CCPG1: variants seen among roughly 807,000 people sequenced by gnomAD.
The protein encoded by CCPG1 is cell cycle progression protein 1.
CCPG1 carries 46 observed loss-of-function variants against 81.3 expected under a neutral mutation model. The observed-to-expected ratio is 0.57, with a 90% confidence interval of 0.45 to 0.72. CCPG1 has a LOEUF of 0.72. Among genes scored for constraint, CCPG1 ranks in the 30% least tolerant of loss-of-function variants. The probability of loss-of-function intolerance (pLI) is 0.00; values close to 1 mark genes in which losing one functional copy is unlikely to be tolerated. For missense variants in CCPG1, 902 were observed against 937.6 expected (o/e 0.96, Z 0.50); for synonymous variants, 330 against 305.2 (o/e 1.08, Z -0.85).
chr15:55,358,027 T>C (rs2056117479), intron 8 of CCPG1: 1 of 144,132 alleles, frequency 6.9e-6, no homozygotes, highest in Non-Finnish European at 1.5e-5. Flanking sequence ...TATACTGTTA[T>C]CCTACCACAG....
At chr15:55,397,218 A>C (rs559446696) in intron 1 of CCPG1, among the ~76,000 whole-genome samples, 129 of 131,880 alleles carry the variant, frequency 9.8e-4, no homozygotes, top group African/African-American at 2.8e-3. Flanking sequence ...CGTCTCAAAA[A>C]AAAACAAACA....
In CCPG1 at chr15:55,380,319, G is replaced by A. The variant is rs978473463; in HGVS notation, c.176-1943C>T. 2.0e-5 allele frequency among the ~76,000 whole-genome samples: 3 copies of A among 148,220 alleles called. No homozygotes were observed. The East Asian group carries it at 6.0e-4, about 30-fold the overall frequency. On this transcript the variant is annotated intron_variant, in intron 3 of 8. Coordinates refer to ENST00000442196, the MANE Select transcript of CCPG1 (RefSeq NM_001204450.2). ...TTTTTGTTTTGTTTTGTTTTGAGAC[G>A]GAGTCCCCCTCTGTCGCCCAGGCTG...
chr15:55,364,102 C>T (rs1324661615), intron 7 of CCPG1, among the ~76,000 whole-genome samples: 1 of 150,536 alleles, frequency 6.6e-6, no homozygotes, highest in Non-Finnish European at 1.5e-5. Flanking sequence ...GTTGCCACCA[C>T]ACCCAGACAT....
chr15:55,362,007 A>G (rs1042291124), intron 7 of CCPG1, among the ~76,000 whole-genome samples: 6 of 152,232 alleles, frequency 3.9e-5, no homozygotes, highest in Non-Finnish European at 8.8e-5. Context: ...AGATTAATCT[A>G]TAGATTACTA....
intron 3 of CCPG1, among the ~76,000 whole-genome samples, chr15:55,385,140 C>A (rs1281825761): frequency 6.6e-6 from 1 of 152,064 alleles, no homozygotes; most frequent in Admixed American, 6.6e-5. Context: ...GTTCTGTGGG[C>A]CTTCACCAAA....
In CCPG1 at chr15:55,363,923, C is replaced by T. The variant is rs755284072; in HGVS notation, c.828+1265G>A. 3.4e-5 allele frequency among the ~76,000 whole-genome samples: 5 copies of T among 146,130 alleles called. 1 individual carries two copies. The highest frequency in any genetic ancestry group is 6.0e-5 in the Non-Finnish European group (4 of 66,792). ...GATTGAAGCAATTCTTGTGCCTAAG[C>T]CTCCCAAAAAGCTGGGATTACAGGT... On this transcript the variant is annotated intron_variant, in intron 7 of 8. Coordinates refer to ENST00000442196, the MANE Select transcript of CCPG1 (RefSeq NM_001204450.2).
intron 8 of CCPG1, chr15:55,358,308 G>T (rs2056123620): frequency 1.1e-6 from 1 of 891,224 alleles, no homozygotes; most frequent in Non-Finnish European, 1.3e-6. Context: ...TCTATCCCTG[G>T]TTTCCAGCAT....
intron 1 of CCPG1, among the ~76,000 whole-genome samples, chr15:55,392,164 T>TA (rs1307063590): frequency 6.8e-6 from 1 of 146,600 alleles, no homozygotes; most frequent in East Asian, 2.0e-4. Flanking sequence ...AAATAAAAAA[T>TA]AAAAAAGACA....
At chr15:55,400,175 A>C in intron 1 of CCPG1, among the ~76,000 whole-genome samples, 1 of 124,006 alleles carries the variant, frequency 8.1e-6, no homozygotes, top group East Asian at 2.6e-4. Context: ...ATACCACTGC[A>C]CTCCAGCCTG....
chr15:55,363,799 C>CTTTT (rs565044184), intron 7 of CCPG1, among the ~76,000 whole-genome samples: 2,996 of 93,738 alleles, frequency 0.032, 260 homozygotes, highest in African/African-American at 0.1. Context: ...TTTCCTTTTC[C>CTTTT]TTTTTTTTTT....
Position 55,360,474 on chromosome 15 carries a change from C to T in CCPG1, c.1299G>A (p.Glu433=), listed in dbSNP as rs370202963. 2,580 of 1,613,998 alleles carry T rather than the reference C, an allele frequency of 1.6e-3. 2 individuals carry two copies. The highest frequency in any genetic ancestry group is 2.1e-3 in the Non-Finnish European group (2,498 of 1,180,040). The change falls in exon 8 of 9, where the codon GAG becomes GAA. Residue 433 remains glutamate (E), a synonymous_variant. Transcript: ENST00000442196. ...EIAILRERLT[E]LERKLTFEQQ... is the part of the protein sequence containing the mutation. ...GTTCGAAGGTTAGCTTCCGTTCCAG[C>T]TCAGTGAGTCTTTCCCGTAAGATTG...
At chr15:55,363,114 G>A (rs1384074356) in intron 7 of CCPG1, among the ~76,000 whole-genome samples, 7 of 151,980 alleles carry the variant, frequency 4.6e-5, no homozygotes, top group Middle Eastern at 3.2e-3. Flanking sequence ...TTGGGAGGCC[G>A]AGGCAGGCAG....
chr15:55,381,873 AAGTTCAG>A (rs1324659015), intron 3 of CCPG1, among the ~76,000 whole-genome samples: 1 of 152,172 alleles, frequency 6.6e-6, no homozygotes, highest in African/African-American at 2.4e-5. Context: ...AGATATCTGC[AAGTTCAG>A]TTCCAAACCA....
At chr15:55,357,519 G>T in intron 8 of CCPG1, 1 of 783,346 alleles carries the variant, frequency 1.3e-6, no homozygotes, top group Non-Finnish European at 1.5e-6. Context: ...GGTCAACTGT[G>T]GTCTGAAAAT....
chr15:55,406,304 G>T (rs1314967773), intron 1 of CCPG1, among the ~76,000 whole-genome samples: 1 of 149,064 alleles, frequency 6.7e-6, no homozygotes, highest in Non-Finnish European at 1.5e-5. Flanking sequence ...GTTAATACTT[G>T]CATCCTTTTT....
intron 4 of CCPG1, 99 bp from the exon 5 acceptor site, chr15:55,377,249 G>A: frequency 1.2e-6 from 1 of 811,602 alleles, no homozygotes; most frequent in Non-Finnish European, 1.9e-6. Flanking sequence ...AGTCATCTGA[G>A]TTAAAATAAA....
intron 8 of CCPG1, chr15:55,359,080 G>A: frequency 2.0e-6 from 2 of 984,794 alleles, no homozygotes; most frequent in South Asian, 9.4e-5. Context: ...TACATGGAAT[G>A]GACAAGTGAA....
intron 5 of CCPG1, chr15:55,373,060 G>A (rs757682191): frequency 1.9e-6 from 1 of 527,818 alleles, no homozygotes; most frequent in South Asian, 1.4e-5. Context: ...CTATTCTGGT[G>A]CTGCTCCTTT....
At chr15:55,371,767 T>C (rs990123101) in intron 6 of CCPG1, 26 bp downstream of exon 6, 7 of 1,607,376 alleles carry the variant, frequency 4.4e-6, no homozygotes, top group Non-Finnish European at 6.0e-6. Flanking sequence ...CATCAGGTTA[T>C]GTATAACACA....
Sources: gnomAD v4.1 joint callset for allele counts (sites outside exome capture counted in the v4.1 genomes callset) on GRCh38, gnomAD v4.1.1 for gene constraint, MANE v1.5 for transcripts, NCBI Gene and HGNC (gene_info 2026-07-23, HGNC 2026-07-21) for gene names.